The following ADAM12 variants were observed in gnomAD, a reference collection of about 807,000 sequenced individuals.
ADAM12 encodes ADAM metallopeptidase domain 12, also known as disintegrin and metalloproteinase domain-containing protein 12.
In ADAM12, 70 loss-of-function variants were observed where a neutral mutation model predicts 106.4. The ratio of observed to expected loss-of-function variants is 0.66; its 90% CI spans 0.54 to 0.80. The LOEUF is 0.80. Among genes scored for constraint, ADAM12 ranks in the 30% least tolerant of loss-of-function variants. The pLI is 0.00. For synonymous variants in ADAM12, 420 were observed against 433.5 expected (o/e 0.97, Z 0.39); for missense variants, 1,010 against 1,171.9 (o/e 0.86, Z 2.02).
At chr10:126,308,742 GT>G (rs1206935390) in intron 2 of ADAM12, among the ~76,000 whole-genome samples, 1 of 152,160 alleles carries the variant, frequency 6.6e-6, no homozygotes, top group South Asian at 2.1e-4. Context: ...GTACTTTGTG[GT>G]AGAAGAAAAC....
intron 3 of ADAM12, among the ~76,000 whole-genome samples, chr10:126,220,099 T>C (rs1353546188): frequency 6.6e-6 from 1 of 152,176 alleles, no homozygotes; most frequent in Non-Finnish European, 1.5e-5. Flanking sequence ...CCTTCAAGGA[T>C]GACACATGCC....
rs181658458 is a variant in ADAM12 at position 126,164,693 on chromosome 10, G to C, written c.261-9388C>G. Among the ~76,000 whole-genome samples, 1,414 of 152,182 alleles carry C rather than the reference G, an allele frequency of 9.3e-3. 17 individuals are homozygous for C. The highest frequency in any genetic ancestry group is 0.014 in the Non-Finnish European group (951 of 68,008). On this transcript the variant is annotated intron_variant, in intron 3 of 22. Transcript: ENST00000448723. ...TAAATAAATATAGAGAAAAGATCTG[G>C]AAGGCAAACGGTATGCACCCAGACC...
chr10:126,218,524 A>G (rs2133848464), intron 3 of ADAM12, among the ~76,000 whole-genome samples: 1 of 152,306 alleles, frequency 6.6e-6, no homozygotes, highest in East Asian at 1.9e-4. Context: ...TCCTCCCTGC[A>G]GGTGCTTGGG....
chr10:126,140,978 A>G (rs890421332), intron 4 of ADAM12, among the ~76,000 whole-genome samples: 5 of 152,214 alleles, frequency 3.3e-5, no homozygotes, highest in Admixed American at 2.6e-4. Context: ...GTGGCCAGTC[A>G]AGACAATCTC....
chr10:126,108,684 A>G lies in ADAM12; in HGVS notation c.670-20T>C. The stretch of plus-strand genomic sequence containing the variant: ...CTGAAACTTAACAATTTTAAATGGC[A>G]GCATTAATACCAGCAAGAATATCAA... On this transcript the variant is annotated intron_variant, in intron 7 of 22. Coordinates refer to ENST00000448723, the MANE Select transcript of ADAM12 (RefSeq NM_001288973.2). 1 of 1,597,802 alleles carries G rather than the reference A, an allele frequency of 6.3e-7. No homozygotes were observed. Among genetic ancestry groups the G allele is most frequent in the South Asian group, 1.1e-5 (1 of 90,732 alleles).
intron 14 of ADAM12, among the ~76,000 whole-genome samples, chr10:126,063,105 C>A (rs1278895681): frequency 6.6e-6 from 1 of 152,242 alleles, no homozygotes; most frequent in Non-Finnish European, 1.5e-5. Flanking sequence ...GGCGATGATG[C>A]CAGGACTGAG....
rs180815770 is a variant in ADAM12, at chr10:126,043,320, C to T, written c.1996-172G>A. Among the ~76,000 whole-genome samples the T allele has an allele frequency of 2.6e-5, 4 of 152,286 alleles. No homozygotes were observed. Among genetic ancestry groups the T allele is most frequent in the Admixed American group, 2.0e-4 (3 of 15,300 alleles). ...GCCGGCACTACACACCACACAGGGGCGACCAAACCTGAGGCTGTGAAGATG... is the reference window on the plus strand; with the variant it reads ...GCCGGCACTACACACCACACAGGGGTGACCAAACCTGAGGCTGTGAAGATG... On this transcript the variant is annotated intron_variant, in intron 17 of 22. Coordinates refer to ENST00000448723, the MANE Select transcript of ADAM12 (RefSeq NM_001288973.2). The surrounding 1 kb of genome is among the most constrained non-coding windows in gnomAD (Gnocchi z 4.1).
At chr10:126,114,114 C>T (rs1199899181) in intron 6 of ADAM12, among the ~76,000 whole-genome samples, 1 of 152,116 alleles carries the variant, frequency 6.6e-6, no homozygotes, top group African/African-American at 2.4e-5. Flanking sequence ...AAGGTTGTCT[C>T]TACCATCCTT....
At position 126,043,048 on chromosome 10, in the gene ADAM12, C is replaced by G; in HGVS notation, c.2096G>C (p.Arg699Pro). The change falls in exon 18 of 23, where the codon CGG becomes CCG. Residue 699 changes from arginine to proline, a missense_variant. Physicochemically the swap from Arg to Pro is moderately radical, Grantham distance 103. Around this residue, in one of 3 missense-constraint regions of ADAM12, gnomAD observed 615 missense variants for 708.5 expected, o/e 0.87. Transcript: ENST00000448723. The surrounding 1 kb of genome is among the most constrained non-coding windows in gnomAD (Gnocchi z 4.1). ...FGGSTDSGPI[R>P]QADNQGLTIG... ...GCAGGGGCTTCACTGACCTGCTTGC[C>G]GGATGGGGCCGCTGTCTGTGCTTCC... 6.2e-7 allele frequency: 1 copy of G among 1,614,108 alleles called. No individual in the cohort carries two copies. The highest frequency in any genetic ancestry group is 2.2e-5 in the East Asian group (1 of 44,884).
intron 11 of ADAM12, among the ~76,000 whole-genome samples, chr10:126,080,938 T>G (rs1387137099): frequency 6.6e-6 from 1 of 152,216 alleles, no homozygotes; most frequent in East Asian, 1.9e-4. Context: ...ACTGCTATAT[T>G]CTTGGGGGTG....
Position 126,046,084 on chromosome 10 carries a change from C to T in ADAM12, c.1966G>A (p.Glu656Lys), listed in dbSNP as rs199768245. ...CQNISVFGVHECAMQCHGRGV... is the reference protein window; with the variant it reads ...CQNISVFGVHKCAMQCHGRGV... ...CTGCCGTGGCACTGCATTGCACACTCGTGAACCCCAAAGACACTAATATTT... is the reference window on the plus strand; with the variant it reads ...CTGCCGTGGCACTGCATTGCACACTTGTGAACCCCAAAGACACTAATATTT... Residue 656 changes from glutamate to lysine, a missense_variant, in exon 17 of 23, where the codon GAG (glutamate) becomes AAG (lysine). By Grantham distance (56) the Glu-to-Lys change is moderately conservative. This residue lies in a region of ADAM12 where 615 missense variants were observed against 708.5 expected (regional missense o/e 0.87). Transcript: ENST00000448723. 3.4e-5 allele frequency: 55 copies of T among 1,614,208 alleles called. No homozygotes were observed. The highest frequency in any genetic ancestry group is 2.7e-4 in the East Asian group (12 of 44,884).
intron 3 of ADAM12, among the ~76,000 whole-genome samples, chr10:126,201,649 ATG>A (rs1193740122): frequency 6.6e-6 from 1 of 152,132 alleles, no homozygotes; most frequent in East Asian, 1.9e-4. Context: ...GGAACTGGCA[ATG>A]TACAGGGAAG....
At chr10:126,242,742 C>T (rs564001953) in intron 3 of ADAM12, among the ~76,000 whole-genome samples, 13 of 152,194 alleles carry the variant, frequency 8.5e-5, no homozygotes, top group Non-Finnish European at 1.8e-4. Context: ...GGGTCCCAGG[C>T]TCCTCAGGAT....
chr10:126,376,703 A>G (rs1856306503), intron 1 of ADAM12, among the ~76,000 whole-genome samples: 1 of 152,172 alleles, frequency 6.6e-6, no homozygotes, highest in Non-Finnish European at 1.5e-5. Flanking sequence ...ATTCTCCCCT[A>G]AATTAGCCTA....
At chr10:126,206,006 T>C (rs928119526) in intron 3 of ADAM12, among the ~76,000 whole-genome samples, 19 of 152,214 alleles carry the variant, frequency 1.2e-4, no homozygotes, top group African/African-American at 4.3e-4. Context: ...GTGGGAAGGC[T>C]ATTATCTGGC....
intron 21 of ADAM12, among the ~76,000 whole-genome samples, chr10:126,023,309 C>T (rs868413248): frequency 5.3e-5 from 8 of 152,120 alleles, no homozygotes; most frequent in South Asian, 2.1e-4. Flanking sequence ...AGTAACATGG[C>T]AGGCTCTGTT....
intron 11 of ADAM12, among the ~76,000 whole-genome samples, chr10:126,085,687 C>A (rs1308062787): frequency 6.6e-6 from 1 of 152,162 alleles, no homozygotes; most frequent in Non-Finnish European, 1.5e-5. Context: ...CATCATTCCA[C>A]CCACCCATTA....
At chr10:126,171,219 T>C (rs541062525) in intron 3 of ADAM12, among the ~76,000 whole-genome samples, 20 of 152,330 alleles carry the variant, frequency 1.3e-4, no homozygotes, top group Non-Finnish European at 2.6e-4. Context: ...TGGGAATATT[T>C]TAGGCGGCTT....
At chr10:126,099,281 T>C (rs1428988305) in intron 9 of ADAM12, among the ~76,000 whole-genome samples, 5 of 152,200 alleles carry the variant, frequency 3.3e-5, no homozygotes, top group African/African-American at 4.8e-5. Context: ...TGTATACAGA[T>C]ATATTGTTTG....
Sources: allele counts gnomAD v4.1 joint callset (sites outside exome capture counted in the v4.1 genomes callset), GRCh38; gene constraint gnomAD v4.1.1; regional missense constraint gnomAD v4.1.1; non-coding constraint Gnocchi (gnomAD v3.1); transcripts MANE v1.5; gene names NCBI Gene and HGNC (gene_info 2026-07-23, HGNC 2026-07-21).